Variants in ARMC2 observed in about 807,000 individuals in gnomAD.
ARMC2 encodes armadillo repeat containing 2.
Under a neutral mutation model 90.3 loss-of-function variants are expected in ARMC2, and 67 were observed. The ratio of observed to expected loss-of-function variants is 0.74; its 90% CI spans 0.61 to 0.91. The LOEUF is 0.91. ARMC2 is among the 40% of genes least tolerant of loss of function. The pLI, the probability that ARMC2 is intolerant of heterozygous loss-of-function variation, is 0.00. For missense variants in ARMC2, 920 were observed against 1,030.9 expected, an observed-to-expected ratio of 0.89 and a Z score of 1.47; for synonymous variants, 393 against 393.0, an observed-to-expected ratio of 1.00 and a Z score of 0.00.
the ARMC2 span, among the ~76,000 whole-genome samples, chr6:109,031,771 T>C: frequency 1.3e-5 from 2 of 152,132 alleles, no homozygotes; most frequent in East Asian, 1.9e-4. Context: ...TATAAAGAAG[T>C]ATATAGTCAG....
intron 3 of ARMC2, among the ~76,000 whole-genome samples, chr6:108,862,945 C>T (rs890277569): frequency 2.0e-5 from 3 of 152,116 alleles, no homozygotes; most frequent in African/African-American, 4.8e-5. Context: ...TCTCTTTCTC[C>T]CCATCCTATC....
intron 15 of ARMC2, among the ~76,000 whole-genome samples, chr6:108,963,099 TATC>T (rs1166901397): frequency 6.6e-6 from 1 of 152,240 alleles, no homozygotes; most frequent in African/African-American, 2.4e-5. Context: ...TGTTATTTAT[TATC>T]AAATAAGAAT....
Position 108,854,272 on chromosome 6 carries a change from T to C in ARMC2, c.5T>C (p.Leu2Pro), listed in dbSNP as rs1209761356. Residue 2 changes from leucine to proline, a missense_variant, in exon 2 of 18, where the codon CTG (leucine) becomes CCG (proline). Physicochemically the swap from Leu to Pro is moderately conservative, Grantham distance 98. Coordinates refer to ENST00000392644, the MANE Select transcript of ARMC2 (RefSeq NM_032131.6). The stretch of plus-strand genomic sequence containing the variant: ...TATTTTACTTTCAAAGGAAAGATGC[T>C]GTCTCCAAATGATAAAATGTTAGGA... M[L>P]SPNDKMLGKL... 2 of 1,602,294 alleles carry C rather than the reference T, an allele frequency of 1.2e-6. No homozygotes were observed. Among genetic ancestry groups the C allele is most frequent in the Non-Finnish European group, 1.7e-6 (2 of 1,174,060 alleles).
chr6:109,047,324 G>A, the ARMC2 span, among the ~76,000 whole-genome samples: 3 of 118,672 alleles, frequency 2.5e-5, no homozygotes, highest in Non-Finnish European at 3.6e-5. Flanking sequence ...CCGGCCAGCC[G>A]CCCCGTCCGG....
At chr6:108,907,546 G>A in intron 8 of ARMC2, 2 of 1,274,866 alleles carry the variant, frequency 1.6e-6, no homozygotes, top group Non-Finnish European at 2.2e-6. Flanking sequence ...GATCGAGATT[G>A]TGTTCCTCAC....
the ARMC2 span, among the ~76,000 whole-genome samples, chr6:109,043,783 A>T: frequency 1.3e-5 from 2 of 152,222 alleles, no homozygotes; most frequent in African/African-American, 4.8e-5. Flanking sequence ...CCCATCTGTA[A>T]GTTCAACATT....
chr6:109,048,927 A>G, the ARMC2 span, among the ~76,000 whole-genome samples: 2 of 152,186 alleles, frequency 1.3e-5, no homozygotes, highest in African/African-American at 4.8e-5. Context: ...CTTAAAACAT[A>G]ACAATGGTTT....
intron 17 of ARMC2, among the ~76,000 whole-genome samples, chr6:108,972,614 T>C (rs1778833455): frequency 6.6e-6 from 1 of 152,176 alleles, no homozygotes; most frequent in African/African-American, 2.4e-5. Context: ...AGATACAAAC[T>C]TACATATAAA....
intron 17 of ARMC2, among the ~76,000 whole-genome samples, chr6:108,971,300 A>G (rs993702720): frequency 3.9e-5 from 6 of 152,274 alleles, no homozygotes; most frequent in South Asian, 2.1e-4. Flanking sequence ...AACGCACCAC[A>G]TATCACCTGC....
intron 5 of ARMC2, among the ~76,000 whole-genome samples, chr6:108,883,684 G>C (rs1407005071): frequency 1.3e-5 from 2 of 152,038 alleles, no homozygotes; most frequent in African/African-American, 4.8e-5. Flanking sequence ...TTCTCTCTTT[G>C]TGAAGACCCA....
In ARMC2 at chr6:108,904,406, G is replaced by C; in HGVS notation, c.1023+1G>C. ...TAAACTTGCAAAAATAATTCTAGCA[G>C]TAAGTTTTTCTTTCCTCTGGTCTAG... is the stretch of plus-strand genomic sequence containing the variant. On this transcript the variant is annotated splice_donor_variant, in intron 8 of 17. Coordinates refer to ENST00000392644, the MANE Select transcript of ARMC2 (RefSeq NM_032131.6). LOFTEE classifies it high-confidence loss of function. The C allele has an allele frequency of 6.3e-7, 1 of 1,599,112 alleles. No homozygotes were observed. The highest frequency in any genetic ancestry group is 2.2e-5 in the East Asian group (1 of 44,696).
intron 13 of ARMC2, 72 bp from the exon 14 acceptor site, chr6:108,961,500 G>A (rs2128511785): frequency 1.4e-6 from 2 of 1,479,490 alleles, no homozygotes; most frequent in East Asian, 4.7e-5. Flanking sequence ...CCCTGCTGTT[G>A]CTGTAGTTGC....
the ARMC2 span, among the ~76,000 whole-genome samples, chr6:109,017,325 G>A: frequency 1.3e-5 from 2 of 151,908 alleles, no homozygotes; most frequent in Non-Finnish European, 2.9e-5. Context: ...TCACTCTGTC[G>A]CCCAGGCTGG....
chr6:109,025,872 CAGAA>C, the ARMC2 span, among the ~76,000 whole-genome samples: 1 of 149,432 alleles, frequency 6.7e-6, no homozygotes, highest in Non-Finnish European at 1.5e-5. Context: ...AAGGAGAAAA[CAGAA>C]AGAATAGGAC....
rs1774294831 is a variant in ARMC2 at position 108,854,214 on chromosome 6, T to G, written c.-43-11T>G. 7.4e-7 allele frequency: 1 copy of G among 1,357,030 alleles called. No individual in the cohort carries two copies. Among genetic ancestry groups the G allele is most frequent in the Non-Finnish European group, 1.0e-6 (1 of 975,852 alleles). The allele number at this position is 1,357,030 out of a possible 1,614,324, so 84.1% of individuals were successfully genotyped here. A position where few individuals can be genotyped will look rare whatever the true frequency, so the allele number is the denominator to read the frequency against. ...AAAAATAATGATGGTTTTTGTACCA[T>G]GTATTTGCAGGGTGTGGTGTCTATC... On this transcript the variant is annotated splice_polypyrimidine_tract_variant and intron_variant, in intron 1 of 17. Transcript: ENST00000392644.
intron 3 of ARMC2, among the ~76,000 whole-genome samples, chr6:108,858,962 T>A (rs1321952081): frequency 6.6e-6 from 1 of 152,210 alleles, no homozygotes; most frequent in Non-Finnish European, 1.5e-5. Flanking sequence ...GCGTTCACCT[T>A]TTCTATCCCC....
At chr6:108,992,589 T>A in the ARMC2 span, among the ~76,000 whole-genome samples, 1 of 152,228 alleles carries the variant, frequency 6.6e-6, no homozygotes, top group African/African-American at 2.4e-5. Context: ...ATAAAATTTT[T>A]AAGATATACA....
At chr6:108,897,352 A>C (rs1341624161) in intron 6 of ARMC2, among the ~76,000 whole-genome samples, 1 of 152,320 alleles carries the variant, frequency 6.6e-6, no homozygotes, top group African/African-American at 2.4e-5. Flanking sequence ...GGGATTGTGA[A>C]TCTGTACTGA....
intron 12 of ARMC2, among the ~76,000 whole-genome samples, chr6:108,944,008 T>C (rs188660519): frequency 3.2e-3 from 488 of 152,360 alleles, no homozygotes; most frequent in Non-Finnish European, 5.6e-3. Flanking sequence ...TTTAAGAGAC[T>C]TCTCAAGTGA....
Sources: allele counts gnomAD v4.1 joint callset (sites outside exome capture counted in the v4.1 genomes callset), GRCh38; gene constraint gnomAD v4.1.1; transcripts MANE v1.5; gene names NCBI Gene and HGNC (gene_info 2026-07-23, HGNC 2026-07-21).